Variants in PECAM1 observed in about 807,000 individuals in gnomAD.
PECAM1 encodes platelet endothelial cell adhesion molecule.
PECAM1 carries 8 observed loss-of-function variants against 13.8 expected under a neutral mutation model. That is an observed-to-expected ratio of 0.58 (90% CI 0.34 to 1.05). PECAM1 has a LOEUF of 1.05. PECAM1 is among the 50% of genes least tolerant of loss of function. PECAM1 has a pLI of 0.03. For missense variants in PECAM1, 304 were observed against 141.2 expected (o/e 2.15, Z -5.84); for synonymous variants, 136 against 52.6 (o/e 2.58, Z -6.86).
At chr17:64,327,216 T>C (rs1386777785) in intron 15 of PECAM1, among the ~76,000 whole-genome samples, 11 of 152,084 alleles carry the variant, frequency 7.2e-5, no homozygotes, top group African/African-American at 2.7e-4. Flanking sequence ...TCAAGTTAAG[T>C]CCCCCATCCA....
chr17:64,353,484 C>A lies in PECAM1; in HGVS notation c.1916+7G>T. The stretch of plus-strand genomic sequence containing the variant: ...AGCAGCCGCCCCCTTCTTACAAATA[C>A]ACTCACCTGGACATTTCCACTGGCA... On this transcript the variant is annotated splice_region_variant and intron_variant, in intron 10 of 15. Transcript: ENST00000563924. 2.1e-6 allele frequency: 1 copy of A among 470,784 alleles called. No homozygotes were observed. The highest frequency in any genetic ancestry group is 3.9e-6 in the Non-Finnish European group (1 of 257,178). The allele number at this position is 470,784 out of a possible 1,614,324, so 29.2% of individuals were successfully genotyped here.
At chr17:64,347,824 G>A (rs1366132680) in intron 13 of PECAM1, among the ~76,000 whole-genome samples, 18 of 149,590 alleles carry the variant, frequency 1.2e-4, no homozygotes, top group Non-Finnish European at 7.4e-5. Flanking sequence ...TCTGCCTTCC[G>A]GGTTCAAGTG....
rs1337330920 is a variant in PECAM1 at position 64,350,363 on chromosome 17, T to C, written c.2044+17A>G. On this transcript the variant is annotated intron_variant, in intron 12 of 15. Coordinates refer to ENST00000563924, the MANE Select transcript of PECAM1 (RefSeq NM_000442.5). The stretch of plus-strand genomic sequence containing the variant: ...GTAAAAGTTGGTTCTAATAAAAACA[T>C]GTAATTAGATAATTACCTTTATTAT... 9 of 413,976 alleles carry C rather than the reference T, an allele frequency of 2.2e-5. No individual in the cohort carries two copies. The highest frequency in any genetic ancestry group is 4.0e-5 in the Non-Finnish European group (9 of 226,526). 25.6% of individuals were successfully genotyped at this position (413,976 alleles called of 1,614,324 possible).
intron 9 of PECAM1, among the ~76,000 whole-genome samples, chr17:64,353,985 G>A (rs1568020775): frequency 6.7e-6 from 1 of 149,492 alleles, no homozygotes; most frequent in South Asian, 2.1e-4. Context: ...TGTTGCCCAG[G>A]CTGGAGTGCA....
intron 14 of PECAM1, among the ~76,000 whole-genome samples, chr17:64,338,458 C>G (rs1005414249): frequency 7.2e-5 from 11 of 152,012 alleles, no homozygotes; most frequent in Admixed American, 4.6e-4. Flanking sequence ...GATTGACTTT[C>G]TCAGTTTGCC....
intron 13 of PECAM1, 21 bp from the exon 14 acceptor site, chr17:64,341,711 AAGTT>A (rs1368503906): frequency 7.0e-6 from 3 of 428,614 alleles, no homozygotes; most frequent in Non-Finnish European, 1.3e-5. Context: ...GACCAGGCAT[AAGTT>A]AGTAGCTGCC....
chr17:64,387,088 G>A (rs1044472908), intron 2 of PECAM1, among the ~76,000 whole-genome samples: 1 of 152,306 alleles, frequency 6.6e-6, no homozygotes, highest in East Asian at 1.9e-4. Flanking sequence ...TGGGGGAGAA[G>A]GAAGAGGGTT....
At chr17:64,336,233 T>C (rs1201970297) in intron 14 of PECAM1, among the ~76,000 whole-genome samples, 38 of 148,702 alleles carry the variant, frequency 2.6e-4, no homozygotes, top group Non-Finnish European at 4.6e-4. Flanking sequence ...GCCACTGCAC[T>C]CCAGCCTGGG....
intron 15 of PECAM1, among the ~76,000 whole-genome samples, chr17:64,325,776 C>T (rs1186339825): frequency 6.6e-6 from 1 of 152,050 alleles, no homozygotes; most frequent in Non-Finnish European, 1.5e-5. Context: ...AAAAAACACC[C>T]ACAAAAGGAT....
rs942993752 is a variant in PECAM1, at chr17:64,347,354, C to G, written c.2107+906G>C. 2.7e-5 allele frequency among the ~76,000 whole-genome samples: 4 copies of G among 150,882 alleles called. No homozygotes were observed. In the East Asian group the frequency reaches 7.8e-4, roughly 29 times the overall value. ...CCAACATGGTGAAATCCCATCTCTA[C>G]TAAAAATACAAAAAAAAAATAAATA... On this transcript the variant is annotated intron_variant, in intron 13 of 15. Transcript: ENST00000563924.
chr17:64,384,180 G>A (rs2143904941), intron 2 of PECAM1, among the ~76,000 whole-genome samples: 1 of 152,240 alleles, frequency 6.6e-6, no homozygotes, highest in East Asian at 1.9e-4. Context: ...TGCACTGGCA[G>A]GAACACCACA....
intron 13 of PECAM1, among the ~76,000 whole-genome samples, chr17:64,342,182 G>C (rs1397767108): frequency 7.0e-6 from 1 of 143,746 alleles, no homozygotes; most frequent in Non-Finnish European, 1.5e-5. Flanking sequence ...AGAAGGTCTT[G>C]GTCTAACGAG....
chr17:64,360,258 T>A lies in PECAM1; in HGVS notation c.1374A>T (p.Ser458=). ...SKVLENSTKN[S]NDPAVFKDNP... is the part of the protein sequence containing the mutation. ...TGTCTTTGAATACCGCAGGATCATT[T>A]GAGTTCTTGGTACTATTCTCCAAAA... The change falls in exon 7 of 16, where the codon TCA becomes TCT. Residue 458 remains serine (S), a synonymous_variant. Transcript: ENST00000563924. The A allele has an allele frequency of 2.1e-6, 1 of 475,412 alleles. No homozygotes were observed. The highest frequency in any genetic ancestry group is 3.9e-6 in the Non-Finnish European group (1 of 259,054). The allele number at this position is 475,412 out of a possible 1,614,324, so 29.4% of individuals were successfully genotyped here. A position where few individuals can be genotyped will look rare whatever the true frequency, so the allele number is the denominator to read the frequency against.
At chr17:64,373,246 T>C (rs1338583087) in intron 4 of PECAM1, among the ~76,000 whole-genome samples, 1 of 152,058 alleles carries the variant, frequency 6.6e-6, no homozygotes, top group African/African-American at 2.4e-5. Context: ...AGTACACAAG[T>C]TACAAGTACA....
In PECAM1 at chr17:64,328,653, T is replaced by A. The variant is rs183749422; in HGVS notation, c.2187+1047A>T. ...AGTGGCTTCCTGTCTGTCAAAGGCA[T>A]AATGAGCTCTGTTTTACAAGAGTCC... On this transcript the variant is annotated intron_variant, in intron 15 of 15. Coordinates refer to ENST00000563924, the MANE Select transcript of PECAM1 (RefSeq NM_000442.5). Among the ~76,000 whole-genome samples the A allele has an allele frequency of 1.9e-4, 29 of 152,282 alleles. No homozygotes were observed. In the East Asian group the frequency reaches 5.2e-3, roughly 27 times the overall value.
intron 4 of PECAM1, among the ~76,000 whole-genome samples, chr17:64,370,814 T>A (rs1010318707): frequency 0.41 from 62,646 of 152,096 alleles, 14,211 homozygotes; most frequent in South Asian, 0.58. Flanking sequence ...GGGCATAAAC[T>A]GGAATATATA....
At chr17:64,341,785 G>A (rs1221094911) in intron 13 of PECAM1, 95 bp from the exon 14 acceptor site, 1 of 407,678 alleles carries the variant, frequency 2.5e-6, no homozygotes, top group African/African-American at 2.1e-5. Flanking sequence ...CTGCAGGCAA[G>A]GCTGTACCCC....
chr17:64,372,210 A>T (rs2036257720), intron 4 of PECAM1, among the ~76,000 whole-genome samples: 1 of 152,126 alleles, frequency 6.6e-6, no homozygotes, highest in African/African-American at 2.4e-5. Flanking sequence ...GGAGTTCGAG[A>T]ACAGCCTGGT....
rs1336094480 is a variant in PECAM1 at position 64,364,013 on chromosome 17, C to CA, written c.968-617dup. ...GGAAATAGAGACACAAAAAACCCTT[C>CA]AAAAAATTAATGAATCCAGGAGCTG... On this transcript the variant is annotated intron_variant, in intron 5 of 15. Coordinates refer to ENST00000563924, the MANE Select transcript of PECAM1 (RefSeq NM_000442.5). 2.5e-3 allele frequency among the ~76,000 whole-genome samples: 387 copies of CA among 151,986 alleles called. 1 individual carries two copies. The highest frequency in any genetic ancestry group is 8.9e-3 in the African/African-American group (369 of 41,452).
Sources: gnomAD v4.1 joint callset for allele counts (sites outside exome capture counted in the v4.1 genomes callset) on GRCh38, gnomAD v4.1.1 for gene constraint, MANE v1.5 for transcripts, NCBI Gene and HGNC (gene_info 2026-07-23, HGNC 2026-07-21) for gene names.